Variants in MTA3 observed in about 807,000 individuals in gnomAD.
MTA3 encodes the protein metastasis-associated protein MTA3.
Under a neutral mutation model 83.5 loss-of-function variants are expected in MTA3, and 34 were observed. The observed-to-expected ratio is 0.41, with a 90% CI of 0.31 to 0.54. MTA3 has a LOEUF of 0.54. MTA3 is among the 20% of genes least tolerant of loss of function. The pLI is 0.33. For missense variants in MTA3, 761 were observed against 726.4 expected (o/e 1.05, Z -0.55); for synonymous variants, 303 against 252.7 (o/e 1.20, Z -1.89).
chr2:42,722,204 G>T lies in MTA3; in HGVS notation c.1613-685G>T, dbSNP rs1227864077. 3.3e-5 allele frequency among the ~76,000 whole-genome samples: 5 copies of T among 152,166 alleles called. No homozygotes were observed. The East Asian group carries it at 9.6e-4, about 29-fold the overall frequency. ...CAGTTCCTACAGTGTTACAGTTTCT[G>T]TCCATCTACAATAAGAGCACGTAGT... On this transcript the variant is annotated intron_variant, in intron 15 of 16. Transcript: ENST00000405094.
intron 14 of MTA3, among the ~76,000 whole-genome samples, chr2:42,711,179 C>G (rs963715124): frequency 6.6e-5 from 10 of 152,114 alleles, no homozygotes; most frequent in Non-Finnish European, 1.2e-4. Flanking sequence ...CATCTTTGTC[C>G]TAGGACTAGA....
At chr2:42,692,845 G>GTTCGT (rs1693027720) in intron 9 of MTA3, among the ~76,000 whole-genome samples, 3 of 152,206 alleles carry the variant, frequency 2.0e-5, no homozygotes, top group Middle Eastern at 3.2e-3. Context: ...GCTTGTAGAT[G>GTTCGT]TTCGTTAGTG....
intron 4 of MTA3, among the ~76,000 whole-genome samples, chr2:42,628,206 T>TTATTTA (rs1686312035): frequency 2.1e-5 from 3 of 142,522 alleles, no homozygotes; most frequent in Non-Finnish European, 4.6e-5. Flanking sequence ...CTTCTTATCG[T>TTATTTA]TTTATTTATT....
intron 2 of MTA3, among the ~76,000 whole-genome samples, chr2:42,542,004 G>C (rs1676539000): frequency 6.6e-6 from 1 of 152,178 alleles, no homozygotes; most frequent in Non-Finnish European, 1.5e-5. Flanking sequence ...GTTGTGAGGA[G>C]CCAAGGCAGC....
chr2:42,586,033 C>T (rs1400799937), intron 3 of MTA3, among the ~76,000 whole-genome samples: 1 of 151,324 alleles, frequency 6.6e-6, no homozygotes, highest in Non-Finnish European at 1.5e-5. Flanking sequence ...CCTCTAATCC[C>T]AGCACTTTGG....
chr2:42,593,365 T>C (rs543528477), intron 3 of MTA3, among the ~76,000 whole-genome samples: 17 of 151,632 alleles, frequency 1.1e-4, no homozygotes, highest in Admixed American at 7.9e-4. Context: ...CAAAAAAAAG[T>C]ATAGTATAAT....
intron 3 of MTA3, among the ~76,000 whole-genome samples, chr2:42,601,762 C>T (rs1682606628): frequency 6.6e-6 from 1 of 152,142 alleles, no homozygotes; most frequent in Non-Finnish European, 1.5e-5. Flanking sequence ...TCACTGCAAC[C>T]TCCACCTTTC....
chr2:42,702,614 A>C (rs1221827508), intron 11 of MTA3: 4 of 152,226 alleles, frequency 2.6e-5, no homozygotes, highest in Non-Finnish European at 5.9e-5. Flanking sequence ...CCGATAAATT[A>C]TTTACTGATT....
chr2:42,661,937 T>C (rs1689760688), intron 8 of MTA3, among the ~76,000 whole-genome samples: 1 of 152,190 alleles, frequency 6.6e-6, no homozygotes, highest in Admixed American at 6.5e-5. Context: ...CTCTGCCTCC[T>C]TTCAAGAGCC....
Position 42,755,274 on chromosome 2 carries a change from A to G in MTA3, c.*1875A>G, listed in dbSNP as rs1670167054. The G allele has an allele frequency of 1.3e-5, 13 of 985,410 alleles. No homozygotes were observed. The highest frequency in any genetic ancestry group is 5.2e-4 in the Middle Eastern group (1 of 1,916). The allele number at this position is 985,410 out of a possible 1,614,324, so 61.0% of individuals were successfully genotyped here. A position where few individuals can be genotyped will look rare whatever the true frequency, so the allele number is the denominator to read the frequency against. On this transcript the variant is annotated 3_prime_UTR_variant, in exon 17 of 17. Transcript: ENST00000405094. Reference sequence around the variant, plus strand: ...CCTTTCACTTTCTCTCTGAACCCCTACTAAGTGGTGACTGCAGATTCTGGA... The same window carrying G: ...CCTTTCACTTTCTCTCTGAACCCCTGCTAAGTGGTGACTGCAGATTCTGGA...
chr2:42,616,910 G>A (rs1367636431), intron 4 of MTA3, among the ~76,000 whole-genome samples: 2 of 152,074 alleles, frequency 1.3e-5, no homozygotes, highest in African/African-American at 4.8e-5. Context: ...AATTGCAATT[G>A]ACTTTAAATG....
chr2:42,726,483 C>A (rs1329005700), intron 16 of MTA3, among the ~76,000 whole-genome samples: 1 of 151,958 alleles, frequency 6.6e-6, no homozygotes, highest in Non-Finnish European at 1.5e-5. Flanking sequence ...TTAGGTATAC[C>A]TCCTAATGCT....
rs775315656 is a variant in MTA3, at chr2:42,644,109, T to G, written c.382-18T>G. The G allele has an allele frequency of 6.8e-7, 1 of 1,475,960 alleles. No individual in the cohort carries two copies. Among genetic ancestry groups the G allele is most frequent in the Non-Finnish European group, 9.4e-7 (1 of 1,067,074 alleles). 91.4% of individuals were successfully genotyped at this position (1,475,960 alleles called of 1,614,324 possible). A position where few individuals can be genotyped will look rare whatever the true frequency, so the allele number is the denominator to read the frequency against. On this transcript the variant is annotated intron_variant, in intron 5 of 16. Transcript: ENST00000405094. The stretch of plus-strand genomic sequence containing the variant: ...AGAAGGAATTAAGTATACCTATGTA[T>G]TTTGTCATATTTTTCAGGATACCTT...
At chr2:42,700,312 C>T (rs1014633863) in intron 11 of MTA3, among the ~76,000 whole-genome samples, 2 of 152,200 alleles carry the variant, frequency 1.3e-5, no homozygotes, top group Non-Finnish European at 1.5e-5. Flanking sequence ...AAAATGTTTG[C>T]TTACAGTCAC....
At chr2:42,648,728 A>G (rs758527408) in intron 6 of MTA3, among the ~76,000 whole-genome samples, 8 of 152,236 alleles carry the variant, frequency 5.3e-5, no homozygotes, top group Non-Finnish European at 8.8e-5. Flanking sequence ...AAAATTTTCC[A>G]TAAAAGAGAA....
chr2:42,604,342 G>A (rs957332598), intron 3 of MTA3, among the ~76,000 whole-genome samples: 13 of 152,148 alleles, frequency 8.5e-5, no homozygotes. Context: ...TGCGCCCGGC[G>A]TCCAGTGTAA....
chr2:42,730,904 G>A (rs1375908265), intron 16 of MTA3, among the ~76,000 whole-genome samples: 1 of 152,034 alleles, frequency 6.6e-6, no homozygotes, highest in Non-Finnish European at 1.5e-5. Context: ...GGTCTGTTTA[G>A]GTTTTGGATT....
In MTA3 at chr2:42,755,048, G is replaced by C; in HGVS notation, c.*1649G>C. ...GGTGGGGCCTGTGTCAGAAGCATTT[G>C]GTGAGAGGGGTGGAGGTGGCAGGCA... is the stretch of plus-strand genomic sequence containing the variant. On this transcript the variant is annotated 3_prime_UTR_variant, in exon 17 of 17. Transcript: ENST00000405094. The C allele has an allele frequency of 1.0e-6, 1 of 985,622 alleles. No individual in the cohort carries two copies. The highest frequency in any genetic ancestry group is 1.2e-6 in the Non-Finnish European group (1 of 830,120). The allele number at this position is 985,622 out of a possible 1,614,324, so 61.1% of individuals were successfully genotyped here. A position where few individuals can be genotyped will look rare whatever the true frequency, so the allele number is the denominator to read the frequency against.
At chr2:42,723,127 A>C in intron 16 of MTA3, 92 bp downstream of exon 16, 3 of 1,333,528 alleles carry the variant, frequency 2.2e-6, no homozygotes, top group Non-Finnish European at 3.1e-6. Context: ...TATTATAAGC[A>C]TGTTCTTGTA....
Sources: gnomAD v4.1 joint callset for allele counts (sites outside exome capture counted in the v4.1 genomes callset) on GRCh38, gnomAD v4.1.1 for gene constraint, MANE v1.5 for transcripts, NCBI Gene and HGNC (gene_info 2026-07-23, HGNC 2026-07-21) for gene names.